FRMD4B: variants seen among roughly 807,000 people sequenced by gnomAD.
FRMD4B encodes FERM domain containing 4B.
A neutral mutation model predicts 141.5 loss-of-function variants in FRMD4B; 74 were observed. The observed-to-expected ratio is 0.52, with a 90% CI of 0.43 to 0.63. The LOEUF is 0.63. Among genes scored for constraint, FRMD4B ranks in the 30% least tolerant of loss-of-function variants. The probability of loss-of-function intolerance (pLI) is 0.00; values close to 1 mark genes in which losing one functional copy is unlikely to be tolerated. For synonymous variants in FRMD4B, 506 were observed against 467.9 expected, an observed-to-expected ratio of 1.08 and a Z score of -1.05; for missense variants, 1,366 against 1,253.4, an observed-to-expected ratio of 1.09 and a Z score of -1.36.
chr3:69,520,661 T>C (rs1448054484), intron 1 of FRMD4B, among the ~76,000 whole-genome samples: 2 of 152,010 alleles, frequency 1.3e-5, no homozygotes, highest in Non-Finnish European at 2.9e-5. Context: ...ATATTCTTTT[T>C]TTCTTCCTGG....
intron 1 of FRMD4B, among the ~76,000 whole-genome samples, chr3:69,348,938 A>C (rs955972543): frequency 2.0e-5 from 3 of 151,988 alleles, no homozygotes; most frequent in Non-Finnish European, 4.4e-5. Context: ...CTCTCTCACC[A>C]CTCCTATTCA....
intron 19 of FRMD4B, among the ~76,000 whole-genome samples, chr3:69,184,772 C>T (rs1372720903): frequency 6.6e-6 from 1 of 152,176 alleles, no homozygotes; most frequent in Non-Finnish European, 1.5e-5. Context: ...CAAAAATGTT[C>T]CGGGTCTGTT....
At chr3:69,222,467 CA>C (rs11293743) in intron 8 of FRMD4B, among the ~76,000 whole-genome samples, 14,450 of 94,724 alleles carry the variant, frequency 0.15, 710 homozygotes, top group African/African-American at 0.24. Context: ...AAATCCATCT[CA>C]AAAAAAAAAA....
intron 5 of FRMD4B, among the ~76,000 whole-genome samples, chr3:69,264,184 A>G (rs566022557): frequency 6.6e-6 from 1 of 151,624 alleles, no homozygotes; most frequent in African/African-American, 2.4e-5. Flanking sequence ...GTATTTGATG[A>G]CTCTGTTTAC....
chr3:69,525,292 A>T (rs185954395), intron 1 of FRMD4B, among the ~76,000 whole-genome samples: 80 of 152,258 alleles, frequency 5.3e-4, no homozygotes, highest in Non-Finnish European at 9.1e-4. Flanking sequence ...GGATGGGTAG[A>T]TGTTGGGTTT....
chr3:69,402,976 A>C (rs1704592820), intron 2 of FRMD4B, among the ~76,000 whole-genome samples: 1 of 152,256 alleles, frequency 6.6e-6, no homozygotes, highest in African/African-American at 2.4e-5. Context: ...ATTCAAACAC[A>C]GAATACGGCA....
intron 1 of FRMD4B, chr3:69,472,462 G>T: frequency 2.3e-6 from 1 of 433,982 alleles, no homozygotes. Flanking sequence ...AGACCAGCCA[G>T]TACAACCAGT....
chr3:69,246,313 A>C (rs2093425369), intron 7 of FRMD4B, among the ~76,000 whole-genome samples: 1 of 152,058 alleles, frequency 6.6e-6, no homozygotes, highest in Non-Finnish European at 1.5e-5. Flanking sequence ...AAAATTAGCC[A>C]GGTGTGATGG....
chr3:69,412,657 T>G (rs954643416), intron 2 of FRMD4B, among the ~76,000 whole-genome samples: 2 of 152,156 alleles, frequency 1.3e-5, no homozygotes, highest in Non-Finnish European at 2.9e-5. Context: ...CATTCATTCT[T>G]TCCTACCCAT....
chr3:69,301,013 G>A (rs1575707115), intron 4 of FRMD4B, among the ~76,000 whole-genome samples: 1 of 152,110 alleles, frequency 6.6e-6, no homozygotes, highest in African/African-American at 2.4e-5. Context: ...TGGGATTACA[G>A]GCGTGAGCCA....
intron 1 of FRMD4B, among the ~76,000 whole-genome samples, chr3:69,479,977 C>A (rs920043281): frequency 6.6e-6 from 1 of 152,076 alleles, no homozygotes; most frequent in Non-Finnish European, 1.5e-5. Context: ...TCACTGATAC[C>A]CTTTCTTCCA....
rs950899453 is a variant in FRMD4B at position 69,219,609 on chromosome 3, C to G, written c.732-1230G>C. 2.7e-5 allele frequency among the ~76,000 whole-genome samples: 4 copies of G among 146,098 alleles called. No homozygotes were observed. The Admixed American group carries it at 2.8e-4, about 10-fold the overall frequency. ...AAGACTCTGCATTTAAGCATGGGTA[C>G]TTTTTTTTTTTTAATTGTTTTTTAG... is the stretch of plus-strand genomic sequence containing the variant. On this transcript the variant is annotated intron_variant, in intron 9 of 22. Coordinates refer to ENST00000398540, the MANE Select transcript of FRMD4B (RefSeq NM_015123.3).
At chr3:69,503,447 A>G (rs934618420) in intron 1 of FRMD4B, among the ~76,000 whole-genome samples, 1 of 149,208 alleles carries the variant, frequency 6.7e-6, no homozygotes, top group Non-Finnish European at 1.5e-5. Context: ...AAAAAACCAA[A>G]CACTGCATGT....
chr3:69,534,425 C>A (rs1701053580), intron 1 of FRMD4B, among the ~76,000 whole-genome samples: 1 of 152,150 alleles, frequency 6.6e-6, no homozygotes, highest in African/African-American at 2.4e-5. Flanking sequence ...AACTCATGTA[C>A]CACCAGGGAT....
intron 1 of FRMD4B, among the ~76,000 whole-genome samples, chr3:69,340,249 T>A (rs548676589): frequency 6.6e-6 from 1 of 152,106 alleles, no homozygotes; most frequent in African/African-American, 2.4e-5. Context: ...GGTGTACAGA[T>A]GATTTTGTCA....
At chr3:69,213,661 ATTTTTT>A (rs11322872) in intron 11 of FRMD4B, among the ~76,000 whole-genome samples, 1 of 132,410 alleles carries the variant, frequency 7.6e-6, no homozygotes, top group Non-Finnish European at 1.6e-5. Context: ...GTTTTCATTG[ATTTTTT>A]TTTTTTTTTT....
chr3:69,359,752 G>T (rs1382932427), intron 1 of FRMD4B, among the ~76,000 whole-genome samples: 7 of 152,184 alleles, frequency 4.6e-5, no homozygotes, highest in African/African-American at 1.7e-4. Context: ...CATGACTTTT[G>T]ACTTGGTTTT....
intron 2 of FRMD4B, among the ~76,000 whole-genome samples, chr3:69,312,974 C>A (rs1701651897): frequency 6.6e-6 from 1 of 152,164 alleles, no homozygotes; most frequent in African/African-American, 2.4e-5. Context: ...TATAATCTAG[C>A]TTGATTTTTA....
rs56146632 is a variant in FRMD4B at position 69,541,789 on chromosome 3, T to TCCCCCC, written c.-129+411_-129+416dup. 1.9e-3 allele frequency among the ~76,000 whole-genome samples: 283 copies of TCCCCCC among 148,242 alleles called. 6 individuals carry two copies. The East Asian group carries it at 0.034, about 18-fold the overall frequency. On this transcript the variant is annotated intron_variant, in intron 1 of 5. Coordinates refer to the FRMD4B transcript ENST00000459638. ...GTGTCCTCTGCTAACTCCAGGGATT[T>TCCCCCC]CCCCCCCCTCTTTTCGCTGCCTTTT... is the stretch of plus-strand genomic sequence containing the variant.
Sources: allele counts gnomAD v4.1 joint callset (sites outside exome capture counted in the v4.1 genomes callset), GRCh38; gene constraint gnomAD v4.1.1; transcripts MANE v1.5; gene names NCBI Gene and HGNC (gene_info 2026-07-23, HGNC 2026-07-21).